The following CACNB2 variants were observed in gnomAD, a reference collection of about 807,000 sequenced individuals.
CACNB2 encodes calcium voltage-gated channel auxiliary subunit beta 2.
Under a neutral mutation model 73.3 loss-of-function variants are expected in CACNB2, and 42 were observed. The ratio of observed to expected loss-of-function variants is 0.57; its 90% CI spans 0.45 to 0.74. The LOEUF is 0.74. Among genes scored for constraint, CACNB2 ranks in the 30% least tolerant of loss-of-function variants. The probability of loss-of-function intolerance (pLI) is 0.00; values close to 1 mark genes in which losing one functional copy is unlikely to be tolerated. For missense variants in CACNB2, 940 were observed against 853.0 expected (o/e 1.10, Z -1.27); for synonymous variants, 348 against 310.3 (o/e 1.12, Z -1.28).
rs192077886 is a variant in CACNB2 at position 18,218,345 on chromosome 10, A to G, written c.213+67370A>G. Among the ~76,000 whole-genome samples the G allele has an allele frequency of 6.8e-3, 1,029 of 152,328 alleles. 12 individuals are homozygous for G. The highest frequency in any genetic ancestry group is 0.023 in the African/African-American group (975 of 41,566). ...AACTGATTTGTTTTCCAGATTATTG[A>G]TTGCCATCACTGAATTCCATACAAT... On this transcript the variant is annotated intron_variant, in intron 2 of 13. Coordinates refer to ENST00000324631, the MANE Select transcript of CACNB2 (RefSeq NM_201596.3).
Position 18,150,873 on chromosome 10 carries a change from T to TTTTTTTTTA in CACNB2, c.121-3_121-2insTATTTTTTT. 1 of 1,242,006 alleles carries TTTTTTTTTA rather than the reference T, an allele frequency of 8.1e-7. No homozygotes were observed. Among genetic ancestry groups the TTTTTTTTTA allele is most frequent in the South Asian group, 1.4e-5 (1 of 69,038 alleles). The allele number at this position is 1,242,006 out of a possible 1,614,324, so 76.9% of individuals were successfully genotyped here. Reference sequence around the variant, plus strand: ...TATTTGTCTTTTTTTTTTTTTTTTTTTTTTTTTAGTCATATGGAAAAGGAG... The same window carrying TTTTTTTTTA: ...TATTTGTCTTTTTTTTTTTTTTTTTTTTTTTTTTATTTTTTTAGTCATATGGAAAAGGAG... On this transcript the variant is annotated splice_polypyrimidine_tract_variant and intron_variant, in intron 1 of 13. Transcript: ENST00000324631.
At chr10:18,497,596 T>C (rs904904682) in intron 3 of CACNB2, among the ~76,000 whole-genome samples, 3 of 152,098 alleles carry the variant, frequency 2.0e-5, no homozygotes, top group African/African-American at 4.8e-5. Flanking sequence ...AATTTTTGTT[T>C]TTGATTTTTA....
intron 2 of CACNB2, among the ~76,000 whole-genome samples, chr10:18,367,349 T>G (rs1186809352): frequency 3.9e-5 from 6 of 152,200 alleles, no homozygotes; most frequent in Admixed American, 3.9e-4. Flanking sequence ...TTAAATAGTT[T>G]TCAATATCTT....
At chr10:18,395,442 CT>C (rs1234522800) in intron 2 of CACNB2, among the ~76,000 whole-genome samples, 2 of 151,804 alleles carry the variant, frequency 1.3e-5, no homozygotes, top group African/African-American at 4.8e-5. Context: ...TTTCTGGTGC[CT>C]TTTAAAAAAA....
intron 4 of CACNB2, among the ~76,000 whole-genome samples, chr10:18,499,542 G>A (rs12253419): frequency 0.016 from 2,379 of 150,414 alleles, 57 homozygotes; most frequent in African/African-American, 0.047. Context: ...TTGAACCAGC[G>A]AGTCGGAGGT....
At chr10:18,356,024 C>A (rs755454513) in intron 2 of CACNB2, among the ~76,000 whole-genome samples, 17 of 152,208 alleles carry the variant, frequency 1.1e-4, no homozygotes, top group Non-Finnish European at 2.1e-4. Context: ...TGGAAGGTTT[C>A]TGTAAGGATT....
chr10:18,267,195 AT>A (rs11335257), intron 2 of CACNB2, among the ~76,000 whole-genome samples: 121,736 of 151,396 alleles, frequency 0.8, 49,156 homozygotes, highest in East Asian at 0.99. Context: ...TTGGAACTGC[AT>A]TTTTTTTTTA....
intron 2 of CACNB2, among the ~76,000 whole-genome samples, chr10:18,167,513 G>T (rs2032936975): frequency 6.6e-6 from 1 of 152,210 alleles, no homozygotes; most frequent in Admixed American, 6.5e-5. Context: ...AGGAGGGCCA[G>T]TGAGGGGAAA....
rs924496092 is a variant in CACNB2, at chr10:18,514,269, A to C, written c.704A>C (p.Glu235Ala). The C allele has an allele frequency of 5.0e-6, 8 of 1,614,018 alleles. No homozygotes were observed. Among genetic ancestry groups the C allele is most frequent in the African/African-American group, 2.7e-5 (2 of 74,926 alleles). The stretch of plus-strand genomic sequence containing the variant: ...ATAGATGCTACTGGCTTAGATGCAG[A>C]AGAAAATGATATTCCAGCAAACCAC... ...IDIDATGLDA[E>A]ENDIPANHRS... is the part of the protein sequence containing the mutation. Residue 235 changes from glutamate to alanine, a missense_variant, in exon 7 of 14, where the codon GAA becomes GCA. Glu to Ala is a moderately radical substitution (Grantham distance 107). Transcript: ENST00000324631.
At chr10:18,444,030 C>G (rs2046611212) in intron 3 of CACNB2, among the ~76,000 whole-genome samples, 1 of 152,126 alleles carries the variant, frequency 6.6e-6, no homozygotes, top group Non-Finnish European at 1.5e-5. Flanking sequence ...CTTTCTTAGA[C>G]TAGACCCTGA....
rs1052321521 is a variant in CACNB2 at position 18,157,610 on chromosome 10, T to C, written c.213+6635T>C. 5.3e-5 allele frequency among the ~76,000 whole-genome samples: 8 copies of C among 152,210 alleles called. No homozygotes were observed. In the East Asian group the frequency reaches 1.2e-3, roughly 22 times the overall value. On this transcript the variant is annotated intron_variant, in intron 2 of 13. Coordinates refer to ENST00000324631, the MANE Select transcript of CACNB2 (RefSeq NM_201596.3). ...AAGTTCTGTCTCCCCGTTTCACAGA[T>C]GAGAAATGGAGGCTCAGAGGTGAAG...
At chr10:18,442,017 C>T (rs759413403) in intron 3 of CACNB2, among the ~76,000 whole-genome samples, 10 of 152,170 alleles carry the variant, frequency 6.6e-5, no homozygotes, top group South Asian at 2.1e-4. Flanking sequence ...GCAAGCTCCT[C>T]GCCTCATAAT....
In CACNB2 at chr10:18,432,741, C is replaced by T. The variant is rs539101431; in HGVS notation, c.333+30698C>T. The stretch of plus-strand genomic sequence containing the variant: ...GTCCCAGCTACTTGGGAGGCTAAGG[C>T]GGGAGGATGGCTTGAGCCAGGAGGC... On this transcript the variant is annotated intron_variant, in intron 3 of 13. Coordinates refer to ENST00000324631, the MANE Select transcript of CACNB2 (RefSeq NM_201596.3). 5.3e-5 allele frequency among the ~76,000 whole-genome samples: 8 copies of T among 151,982 alleles called. No individual in the cohort carries two copies. In the East Asian group the frequency reaches 1.2e-3, roughly 22 times the overall value.
chr10:18,483,590 G>A (rs2048904491), intron 3 of CACNB2, among the ~76,000 whole-genome samples: 2 of 151,374 alleles, frequency 1.3e-5, no homozygotes, highest in South Asian at 4.2e-4. Context: ...AATAAATGAT[G>A]AAATAAAATC....
At chr10:18,335,603 T>G (rs1391140508) in intron 2 of CACNB2, among the ~76,000 whole-genome samples, 1 of 152,058 alleles carries the variant, frequency 6.6e-6, no homozygotes, top group Non-Finnish European at 1.5e-5. Context: ...ATATACATAT[T>G]AAGTCCATCA....
chr10:18,208,904 C>T (rs1055153472), intron 2 of CACNB2, among the ~76,000 whole-genome samples: 1 of 152,134 alleles, frequency 6.6e-6, no homozygotes, highest in African/African-American at 2.4e-5. Context: ...CACATATGAA[C>T]CCAGGGCGAT....
Position 18,542,129 on chromosome 10 carries a change from G to A in CACNB2, c.*2405G>A, listed in dbSNP as rs1056012923. The A allele has an allele frequency of 6.6e-6, 1 of 152,126 alleles. No individual in the cohort carries two copies. The highest frequency in any genetic ancestry group is 1.5e-5 in the Non-Finnish European group (1 of 68,054). 9.4% of individuals were successfully genotyped at this position (152,126 alleles called of 1,614,324 possible). On this transcript the variant is annotated 3_prime_UTR_variant, in exon 14 of 14. Transcript: ENST00000324631. ...GGATCCCTTGAGCCCAGGAGGTGGAGGCTGCAGTGAACCGTGACTGTACCA... is the reference window on the plus strand; with the variant it reads ...GGATCCCTTGAGCCCAGGAGGTGGAAGCTGCAGTGAACCGTGACTGTACCA...
At chr10:18,180,470 T>C (rs1025400715) in intron 2 of CACNB2, among the ~76,000 whole-genome samples, 3 of 151,886 alleles carry the variant, frequency 2.0e-5, no homozygotes, top group Non-Finnish European at 4.4e-5. Context: ...TTTTTAAGGC[T>C]GCCTTTTAAC....
intron 2 of CACNB2, among the ~76,000 whole-genome samples, chr10:18,290,397 C>T (rs1315387947): frequency 1.3e-5 from 2 of 152,024 alleles, no homozygotes; most frequent in African/African-American, 2.4e-5. Context: ...ATATAAATGT[C>T]TTTGTGCATA....
Sources: gnomAD v4.1 joint callset for allele counts (sites outside exome capture counted in the v4.1 genomes callset) on GRCh38, gnomAD v4.1.1 for gene constraint, MANE v1.5 for transcripts, NCBI Gene and HGNC (gene_info 2026-07-23, HGNC 2026-07-21) for gene names.